The following LRRC14 variants were observed in gnomAD, a reference collection of about 807,000 sequenced individuals.
LRRC14 encodes the protein leucine rich repeat containing 14.
In LRRC14, 16 loss-of-function variants were observed where a neutral mutation model predicts 25.3. That is an observed-to-expected ratio of 0.63 (90% CI 0.43 to 0.96). The LOEUF (loss-of-function observed/expected upper bound fraction) is 0.96, where lower values mean the gene tolerates loss of function less well. Among genes scored for constraint, LRRC14 ranks in the 40% least tolerant of loss-of-function variants. The probability of loss-of-function intolerance (pLI) is 0.00; values close to 1 mark genes in which losing one functional copy is unlikely to be tolerated. For missense variants in LRRC14, 594 were observed against 660.5 expected, an observed-to-expected ratio of 0.90 and a Z score of 1.10; for synonymous variants, 359 against 295.1, an observed-to-expected ratio of 1.22 and a Z score of -2.22.
chr8:144,520,178 G>C (rs986103819), intron 2 of LRRC14, 60 bp from the exon 3 acceptor site: 24 of 1,578,152 alleles, frequency 1.5e-5, no homozygotes, highest in Non-Finnish European at 1.8e-5. Flanking sequence ...TCCCAAGGTG[G>C]CTGGGAGGGG....
In LRRC14 at chr8:144,523,650, G is replaced by A; in HGVS notation, c.*2172G>A. 3 of 509,528 alleles carry A rather than the reference G, an allele frequency of 5.9e-6. No individual in the cohort carries two copies. The highest frequency in any genetic ancestry group is 6.3e-6 in the Non-Finnish European group (2 of 315,052). The allele number at this position is 509,528 out of a possible 1,614,324, so 31.6% of individuals were successfully genotyped here. A position where few individuals can be genotyped will look rare whatever the true frequency, so the allele number is the denominator to read the frequency against. On this transcript the variant is annotated 3_prime_UTR_variant, in exon 4 of 4. Transcript: ENST00000292524. ...GCCTGTTACAGATCACTTCTCCGTCGGTCTCTGAGAAAGCACCTGCTCCTT... is the reference window on the plus strand; with the variant it reads ...GCCTGTTACAGATCACTTCTCCGTCAGTCTCTGAGAAAGCACCTGCTCCTT...
At chr8:144,520,865 G>C in intron 3 of LRRC14, 43 bp downstream of exon 3, 2 of 1,594,706 alleles carry the variant, frequency 1.3e-6, no homozygotes, top group Non-Finnish European at 1.7e-6. Flanking sequence ...CTTCTGTAGG[G>C]ACCCTCCCTG....
chr8:144,522,843 C>T lies in LRRC14; in HGVS notation c.*1365C>T. The T allele has an allele frequency of 1.5e-6, 2 of 1,347,092 alleles. No individual in the cohort carries two copies. Among genetic ancestry groups the T allele is most frequent in the Non-Finnish European group, 1.9e-6 (2 of 1,053,584 alleles). 83.4% of individuals were successfully genotyped at this position (1,347,092 alleles called of 1,614,324 possible). On this transcript the variant is annotated 3_prime_UTR_variant, in exon 4 of 4. Coordinates refer to ENST00000292524, the MANE Select transcript of LRRC14 (RefSeq NM_014665.4). ...CCCAGGGCGCGGAAGGCCATGCTGC[C>T]CGCCTCGGGCCGGGGCTCGCTGCCG...
rs763130431 is a variant in LRRC14 at position 144,521,067 on chromosome 8, G to C, written c.1071G>C (p.Gln357His). 32 of 1,613,044 alleles carry C rather than the reference G, an allele frequency of 2.0e-5. No homozygotes were observed. Among genetic ancestry groups the C allele is most frequent in the Non-Finnish European group, 2.6e-5 (31 of 1,180,032 alleles). The change falls in exon 4 of 4, where the codon CAG (glutamine) becomes CAC (histidine). Residue 357 changes from glutamine to histidine, a missense_variant. Gln to His is a conservative substitution (Grantham distance 24). Transcript: ENST00000292524. ...DLSGSQLAPF[Q>H]GLLQASAATL... is the part of the protein sequence containing the mutation. ...CTGGCAGCCAGCTGGCACCCTTCCA[G>C]GGTCTGTTGCAGGCATCAGCAGCCA... is the stretch of plus-strand genomic sequence containing the variant.
At chr8:144,519,434 CGAGTT>C in intron 1 of LRRC14, 176 bp from the exon 2 acceptor site, 1 of 518,260 alleles carries the variant, frequency 1.9e-6, no homozygotes, top group South Asian at 2.4e-5. Context: ...CCCAAGCAAG[CGAGTT>C]GTTGACGATG....
chr8:144,519,795 C>A lies in LRRC14; in HGVS notation c.70C>A (p.Pro24Thr). Residue 24 changes from proline to threonine, a missense_variant, in exon 2 of 4, where the codon CCC (proline) becomes ACC (threonine). Transcript: ENST00000292524. ...CCAGCCAGCTGCCTGCCAGGCCCTG[C>A]CCTTGCTGCCACGCGAACTCTTCCC... Reference protein sequence around the residue: ...QCQPAACQALPLLPRELFPLL... With the variant: ...QCQPAACQALTLLPRELFPLL... 1.2e-6 allele frequency: 2 copies of A among 1,613,072 alleles called. No homozygotes were observed. Among genetic ancestry groups the A allele is most frequent in the Non-Finnish European group, 1.7e-6 (2 of 1,179,882 alleles).
Position 144,522,960 on chromosome 8 carries a change from C to A in LRRC14, c.*1482C>A, listed in dbSNP as rs192682217. Reference sequence around the variant, plus strand: ...AGGAGCCGGAAGGGCACGCGGGCAGCGCCGCCGGCGTTGGAGGCCTCGCAC... The same window carrying A: ...AGGAGCCGGAAGGGCACGCGGGCAGAGCCGCCGGCGTTGGAGGCCTCGCAC... On this transcript the variant is annotated 3_prime_UTR_variant, in exon 4 of 4. Coordinates refer to ENST00000292524, the MANE Select transcript of LRRC14 (RefSeq NM_014665.4). 207 of 1,577,698 alleles carry A rather than the reference C, an allele frequency of 1.3e-4. 1 individual carries two copies. In the African/African-American group the frequency reaches 1.5e-3, roughly 12 times the overall value.
rs1413297031 is a variant in LRRC14, at chr8:144,521,382, T to C, written c.1386T>C (p.Ala462=). 3.1e-6 allele frequency: 5 copies of C among 1,612,314 alleles called. No homozygotes were observed. The highest frequency in any genetic ancestry group is 2.2e-5 in the East Asian group (1 of 44,904). The change falls in exon 4 of 4, where the codon GCT becomes GCC. Residue 462 remains alanine (A), a synonymous_variant. Transcript: ENST00000292524. ...INEEKFARVE[A]ELHQLLLASG... ...AGGAGAAGTTTGCCCGCGTAGAAGCTGAGTTGCACCAGCTGCTTCTAGCCT... is the reference window on the plus strand; with the variant it reads ...AGGAGAAGTTTGCCCGCGTAGAAGCCGAGTTGCACCAGCTGCTTCTAGCCT...
Position 144,524,593 on chromosome 8 carries a change from C to A in LRRC14, c.*3115C>A, listed in dbSNP as rs1816281983. 6.5e-7 allele frequency: 1 copy of A among 1,530,780 alleles called. No homozygotes were observed. The highest frequency in any genetic ancestry group is 2.1e-5 in the Admixed American group (1 of 47,978). 94.8% of individuals were successfully genotyped at this position (1,530,780 alleles called of 1,614,324 possible). A position where few individuals can be genotyped will look rare whatever the true frequency, so the allele number is the denominator to read the frequency against. ...GCCAGCTCCAGCAGGCGCGGCTGCG[C>A]GCGGAAGGCGCCGGCCTCCAGGGCG... On this transcript the variant is annotated 3_prime_UTR_variant, in exon 4 of 4. Transcript: ENST00000292524.
chr8:144,522,573 CG>C lies in LRRC14; in HGVS notation c.*1097del. On this transcript the variant is annotated 3_prime_UTR_variant, in exon 4 of 4. Coordinates refer to ENST00000292524, the MANE Select transcript of LRRC14 (RefSeq NM_014665.4). ...TCAGCGGGCGCCTCCGCCGGACCCT[CG>C]GCGAAGAGCGGCTTGGAGCGGTTGA... 6.4e-7 allele frequency: 1 copy of C among 1,553,966 alleles called. No individual in the cohort carries two copies. Among genetic ancestry groups the C allele is most frequent in the Non-Finnish European group, 8.7e-7 (1 of 1,152,274 alleles).
At position 144,521,719 on chromosome 8, in the gene LRRC14, C is replaced by T. The variant is rs1816075820; in HGVS notation, c.*241C>T. ...TGGGCCCCGGGGCTGGATGTCAGGC[C>T]TCCATTGCCCTGCTCAGTTTGGCTG... On this transcript the variant is annotated 3_prime_UTR_variant, in exon 4 of 4. Coordinates refer to ENST00000292524, the MANE Select transcript of LRRC14 (RefSeq NM_014665.4). 7.3e-6 allele frequency: 4 copies of T among 551,164 alleles called. No homozygotes were observed. The highest frequency in any genetic ancestry group is 1.3e-5 in the Non-Finnish European group (4 of 309,162). The allele number at this position is 551,164 out of a possible 1,614,324, so 34.1% of individuals were successfully genotyped here.
At position 144,523,275 on chromosome 8, in the gene LRRC14, G is replaced by C. The variant is rs144944954; in HGVS notation, c.*1797G>C. On this transcript the variant is annotated 3_prime_UTR_variant, in exon 4 of 4. Coordinates refer to ENST00000292524, the MANE Select transcript of LRRC14 (RefSeq NM_014665.4). ...ATGAGGCTGCTGTGGGATACGTCCA[G>C]GAGACTCTGGAGCGCCAGGCGCGGG... 6.2e-7 allele frequency: 1 copy of C among 1,610,898 alleles called. No homozygotes were observed. Among genetic ancestry groups the C allele is most frequent in the Non-Finnish European group, 8.5e-7 (1 of 1,179,172 alleles).
rs1586852299 is a variant in LRRC14 at position 144,522,258 on chromosome 8, T to C, written c.*780T>C. ...GACCCCCCCCATGCAGAGCTGGAGG[T>C]TGGGGTGATGTCTTTTCGGAAGAGC... On this transcript the variant is annotated 3_prime_UTR_variant, in exon 4 of 4. Transcript: ENST00000292524. 3.4e-6 allele frequency: 2 copies of C among 589,510 alleles called. No homozygotes were observed. The highest frequency in any genetic ancestry group is 2.6e-6 in the Non-Finnish European group (1 of 382,942). 36.5% of individuals were successfully genotyped at this position (589,510 alleles called of 1,614,324 possible).
In LRRC14 at chr8:144,521,550, C is replaced by T. The variant is rs947289510; in HGVS notation, c.*72C>T. ...GTAGGCAGGGCCTTTGCTGGGACCC[C>T]TGGTGGAGGCCTTCACAAAAGCACT... On this transcript the variant is annotated 3_prime_UTR_variant, in exon 4 of 4. Transcript: ENST00000292524. The T allele has an allele frequency of 2.8e-6, 4 of 1,426,098 alleles. No homozygotes were observed. Among genetic ancestry groups the T allele is most frequent in the Non-Finnish European group, 3.7e-6 (4 of 1,067,258 alleles). The allele number at this position is 1,426,098 out of a possible 1,614,324, so 88.3% of individuals were successfully genotyped here.
chr8:144,520,450 T>G lies in LRRC14; in HGVS notation c.542T>G (p.Leu181Arg), dbSNP rs1315432425. The G allele has an allele frequency of 6.3e-7, 1 of 1,597,998 alleles. No homozygotes were observed. Among genetic ancestry groups the G allele is most frequent in the Non-Finnish European group, 8.5e-7 (1 of 1,175,680 alleles). The change falls in exon 3 of 4, where the codon CTG becomes CGG. Residue 181 changes from leucine (L) to arginine (R), a missense_variant. Physicochemically the swap from Leu to Arg is moderately radical, Grantham distance 102 (BLOSUM62 -2). Coordinates refer to ENST00000292524, the MANE Select transcript of LRRC14 (RefSeq NM_014665.4). ...LRVNRASYAF[L>R]REALRSSVGS... Reference sequence around the variant, plus strand: ...GTGAACCGGGCCTCCTATGCGTTCCTGCGGGAGGCACTCCGAAGCAGCGTG... The same window carrying G: ...GTGAACCGGGCCTCCTATGCGTTCCGGCGGGAGGCACTCCGAAGCAGCGTG...
rs1473520848 is a variant in LRRC14, at chr8:144,524,898, G to A, written c.*3420G>A. Reference sequence around the variant, plus strand: ...CACCGTGGCGCTGTAGCAGCGGCAGGCTGCTGGGCAGCCGGCGGCGCGGAG... The same window carrying A: ...CACCGTGGCGCTGTAGCAGCGGCAGACTGCTGGGCAGCCGGCGGCGCGGAG... On this transcript the variant is annotated 3_prime_UTR_variant, in exon 4 of 4. Coordinates refer to ENST00000292524, the MANE Select transcript of LRRC14 (RefSeq NM_014665.4). 5 of 1,515,198 alleles carry A rather than the reference G, an allele frequency of 3.3e-6. No individual in the cohort carries two copies. The South Asian group carries it at 4.8e-5, about 15-fold the overall frequency. The allele number at this position is 1,515,198 out of a possible 1,614,324, so 93.9% of individuals were successfully genotyped here.
Position 144,525,149 on chromosome 8 carries a change from A to C in LRRC14, c.*3671A>C, listed in dbSNP as rs1298731151. Reference sequence around the variant, plus strand: ...TATAAATAGGTTCAAGAAACTAATAAAACGTTCTGGTTTTCTCCTTTGACA... The same window carrying C: ...TATAAATAGGTTCAAGAAACTAATACAACGTTCTGGTTTTCTCCTTTGACA... On this transcript the variant is annotated 3_prime_UTR_variant, in exon 4 of 4. Coordinates refer to ENST00000292524, the MANE Select transcript of LRRC14 (RefSeq NM_014665.4). The C allele has an allele frequency of 4.9e-6, 3 of 612,846 alleles. No individual in the cohort carries two copies. Among genetic ancestry groups the C allele is most frequent in the East Asian group, 3.4e-5 (1 of 29,266 alleles). 38.0% of individuals were successfully genotyped at this position (612,846 alleles called of 1,614,324 possible). A position where few individuals can be genotyped will look rare whatever the true frequency, so the allele number is the denominator to read the frequency against.
Position 144,522,522 on chromosome 8 carries a change from G to A in LRRC14, c.*1044G>A, listed in dbSNP as rs532519276. The A allele has an allele frequency of 1.6e-5, 24 of 1,513,670 alleles. No individual in the cohort carries two copies. Among genetic ancestry groups the A allele is most frequent in the South Asian group, 8.7e-5 (7 of 80,254 alleles). 93.8% of individuals were successfully genotyped at this position (1,513,670 alleles called of 1,614,324 possible). On this transcript the variant is annotated 3_prime_UTR_variant, in exon 4 of 4. Transcript: ENST00000292524. ...ACCGGCGGGGGCACGCGGAGTCCCGGCCCCGCCCCCTGTTCCGGGCCGCAG... is the reference window on the plus strand; with the variant it reads ...ACCGGCGGGGGCACGCGGAGTCCCGACCCCGCCCCCTGTTCCGGGCCGCAG...
Position 144,523,387 on chromosome 8 carries a change from G to A in LRRC14, c.*1909G>A. 1 of 1,544,578 alleles carries A rather than the reference G, an allele frequency of 6.5e-7. No homozygotes were observed. The highest frequency in any genetic ancestry group is 8.7e-7 in the Non-Finnish European group (1 of 1,144,714). ...TCCAGGCACCCAGCCAGTGCAGGGC[G>A]CAGTCACAGCGCCATGGGTTCTCTG... On this transcript the variant is annotated 3_prime_UTR_variant, in exon 4 of 4. Coordinates refer to ENST00000292524, the MANE Select transcript of LRRC14 (RefSeq NM_014665.4).
Sources: gnomAD v4.1 joint callset for allele counts on GRCh38, gnomAD v4.1.1 for gene constraint, MANE v1.5 for transcripts, NCBI Gene and HGNC (gene_info 2026-07-23, HGNC 2026-07-21) for gene names.